Variants in RIMS3 observed in about 807,000 individuals in gnomAD.
RIMS3 encodes the protein regulating synaptic membrane exocytosis 3.
A neutral mutation model predicts 29.2 loss-of-function variants in RIMS3; 15 were observed. The ratio of observed to expected loss-of-function variants is 0.51; its 90% CI spans 0.34 to 0.79. The LOEUF (loss-of-function observed/expected upper bound fraction) is 0.79, where lower values mean the gene tolerates loss of function less well. RIMS3 is among the 30% of genes least tolerant of loss of function. The probability of loss-of-function intolerance (pLI) is 0.01; values close to 1 mark genes in which losing one functional copy is unlikely to be tolerated. For synonymous variants in RIMS3, 161 were observed against 170.1 expected (o/e 0.95, Z 0.41); for missense variants, 342 against 421.4 (o/e 0.81, Z 1.65).
At chr1:40,652,068 G>A (rs753131563) in intron 1 of RIMS3, among the ~76,000 whole-genome samples, 7 of 152,136 alleles carry the variant, frequency 4.6e-5, no homozygotes, top group Non-Finnish European at 1.0e-4. Flanking sequence ...GGGTGGGAAA[G>A]GGCCAGCCAG....
At chr1:40,659,316 G>C (rs1418485407) in intron 1 of RIMS3, among the ~76,000 whole-genome samples, 13 of 152,180 alleles carry the variant, frequency 8.5e-5, no homozygotes, top group Non-Finnish European at 1.5e-4. Context: ...ATCATAAAGG[G>C]CTTTGAATAC....
chr1:40,636,093 C>A lies in RIMS3; in HGVS notation c.218-36G>T, dbSNP rs752333561. Reference sequence around the variant, plus strand: ...CCCAACCCCAAGCACAGAGAGGGAACAAGGTCAGATTATGAATGGGGCTTC... The same window carrying A: ...CCCAACCCCAAGCACAGAGAGGGAAAAAGGTCAGATTATGAATGGGGCTTC... On this transcript the variant is annotated intron_variant, in intron 3 of 7. Transcript: ENST00000372684. This position sits in a 1 kb window ranked among gnomAD's most constrained non-coding sequence, Gnocchi z 4.2. The A allele has an allele frequency of 6.2e-7, 1 of 1,600,254 alleles. No individual in the cohort carries two copies. The highest frequency in any genetic ancestry group is 1.3e-5 in the African/African-American group (1 of 75,030).
intron 1 of RIMS3, among the ~76,000 whole-genome samples, chr1:40,662,573 A>G (rs1252587817): frequency 2.0e-5 from 3 of 152,192 alleles, no homozygotes. Context: ...CTTCTGCCAC[A>G]GAGGCAAGAG....
chr1:40,628,694 G>T (rs776505076), intron 7 of RIMS3, 116 bp downstream of exon 7: 6 of 1,379,606 alleles, frequency 4.3e-6, no homozygotes, highest in African/African-American at 2.8e-5. Context: ...AATGAGTAAC[G>T]CAAATTAATG....
In RIMS3 at chr1:40,623,522, G is replaced by A; in HGVS notation, c.*2995C>T. The A allele has an allele frequency of 5.0e-6, 2 of 398,648 alleles. No homozygotes were observed. The highest frequency in any genetic ancestry group is 8.8e-6 in the Non-Finnish European group (2 of 226,114). The allele number at this position is 398,648 out of a possible 1,614,324, so 24.7% of individuals were successfully genotyped here. On this transcript the variant is annotated 3_prime_UTR_variant, in exon 8 of 8. Transcript: ENST00000372684. ...TGAACCTCGCCTGACCAGAGGAGGTGGAATGACAAAGAGCTCCATTCCTGT... is the reference window on the plus strand; with the variant it reads ...TGAACCTCGCCTGACCAGAGGAGGTAGAATGACAAAGAGCTCCATTCCTGT...
chr1:40,691,426 TAA>T, the RIMS3 span: 7 of 250,848 alleles, frequency 2.8e-5, 1 homozygote, highest in South Asian at 2.3e-4. Context: ...ACTTATTTCC[TAA>T]AATTCAAGCT....
chr1:40,632,437 T>G (rs999788141), intron 5 of RIMS3, among the ~76,000 whole-genome samples: 2 of 116,112 alleles, frequency 1.7e-5, no homozygotes, highest in African/African-American at 4.5e-5. Flanking sequence ...TATATATATA[T>G]ATATATATAT....
chr1:40,629,354 A>G lies in RIMS3; in HGVS notation c.491T>C (p.Ile164Thr). 3 of 1,614,070 alleles carry G rather than the reference A, an allele frequency of 1.9e-6. No individual in the cohort carries two copies. The highest frequency in any genetic ancestry group is 2.5e-6 in the Non-Finnish European group (3 of 1,179,942). The part of the protein sequence containing the change: ...TPPMGDVHIA[I>T]MDRSGQLEVE... ...CTCCAGCTGGCCACTCCGGTCCATG[A>G]TGGCAATGTGCACATCTCCTGAAAG... The change falls in exon 6 of 8, where the codon ATC becomes ACC. Residue 164 changes from isoleucine to threonine, a missense_variant. By Grantham distance (89) the Ile-to-Thr change is moderately conservative (BLOSUM62 -1). Coordinates refer to ENST00000372684, the MANE Select transcript of RIMS3 (RefSeq NM_014747.3).
At position 40,624,207 on chromosome 1, in the gene RIMS3, T is replaced by G. The variant is rs1185014731; in HGVS notation, c.*2310A>C. On this transcript the variant is annotated 3_prime_UTR_variant, in exon 8 of 8. Coordinates refer to ENST00000372684, the MANE Select transcript of RIMS3 (RefSeq NM_014747.3). ...GGTAGCCCCCACTTCCTGGGGTGACTGCTGGTCTGGGTATCACCACTCAGT... is the reference window on the plus strand; with the variant it reads ...GGTAGCCCCCACTTCCTGGGGTGACGGCTGGTCTGGGTATCACCACTCAGT... 1 of 152,268 alleles carries G rather than the reference T, an allele frequency of 6.6e-6. No individual in the cohort carries two copies. Among genetic ancestry groups the G allele is most frequent in the East Asian group, 1.9e-4 (1 of 5,200 alleles). The allele number at this position is 152,268 out of a possible 1,614,324, so 9.4% of individuals were successfully genotyped here.
At chr1:40,667,444 C>T (rs929953671), upstream of RIMS3, among the ~76,000 whole-genome samples, 1 of 152,090 alleles carries the variant, frequency 6.6e-6, no homozygotes, top group African/African-American at 2.4e-5. Context: ...TGTGCTCCTC[C>T]CTGGCCCCTT....
the RIMS3 span, among the ~76,000 whole-genome samples, chr1:40,683,483 T>G: frequency 1.3e-5 from 2 of 152,238 alleles, no homozygotes; most frequent in Non-Finnish European, 1.5e-5. Context: ...TTCTGCCACG[T>G]TATGGTGTGG....
chr1:40,668,501 G>C (rs1324356399), upstream of RIMS3, among the ~76,000 whole-genome samples: 1 of 135,178 alleles, frequency 7.4e-6, no homozygotes. Flanking sequence ...CGGGGGGGGG[G>C]GGGTTGGTGG....
chr1:40,692,035 T>TGTCGCCGCCGCC, the RIMS3 span: 13 of 193,804 alleles, frequency 6.7e-5, no homozygotes, highest in South Asian at 6.5e-4. Context: ...GGCCCGCTGC[T>TGTCGCCGCCGCC]GTCGCCGCCG....
chr1:40,675,254 A>G, the RIMS3 span, among the ~76,000 whole-genome samples: 4 of 151,632 alleles, frequency 2.6e-5, no homozygotes, highest in Admixed American at 2.6e-4. Context: ...AGCCTGGGTG[A>G]TAGAGTGAGA....
chr1:40,658,651 A>G (rs1205096435), intron 1 of RIMS3, among the ~76,000 whole-genome samples: 1 of 152,192 alleles, frequency 6.6e-6, no homozygotes, highest in Non-Finnish European at 1.5e-5. Flanking sequence ...CTCTCTCTCC[A>G]TGTGGCTGAA....
At position 40,621,234 on chromosome 1, in the gene RIMS3, G is replaced by A. The variant is rs1570162215; in HGVS notation, c.*5283C>T. 2 of 152,204 alleles carry A rather than the reference G, an allele frequency of 1.3e-5. No homozygotes were observed. The highest frequency in any genetic ancestry group is 3.8e-4 in the East Asian group (2 of 5,202). The allele number at this position is 152,204 out of a possible 1,614,324, so 9.4% of individuals were successfully genotyped here. ...ATGTCATCCCAGAAGCAGAAATGAG[G>A]AAAGACCCAGCCTCATCTGCTGTTG... On this transcript the variant is annotated 3_prime_UTR_variant, in exon 8 of 8. Coordinates refer to ENST00000372684, the MANE Select transcript of RIMS3 (RefSeq NM_014747.3).
At chr1:40,663,410 G>A (rs191607773) in intron 1 of RIMS3, among the ~76,000 whole-genome samples, 185 of 152,306 alleles carry the variant, frequency 1.2e-3, no homozygotes, top group Non-Finnish European at 2.2e-3. Context: ...TGTGGCTGGG[G>A]AGTGGGGCAG....
chr1:40,631,297 G>A (rs943249506), intron 5 of RIMS3, among the ~76,000 whole-genome samples: 6 of 152,154 alleles, frequency 3.9e-5, no homozygotes, highest in African/African-American at 1.4e-4. Context: ...AAGCTAACAG[G>A]ACCAAGCGTA....
At chr1:40,628,061 C>T (rs558229491) in intron 7 of RIMS3, among the ~76,000 whole-genome samples, 1 of 152,328 alleles carries the variant, frequency 6.6e-6, no homozygotes, top group South Asian at 2.1e-4. Context: ...GCAGCCACCA[C>T]CATGATTGTT....
Sources: gnomAD v4.1 joint callset for allele counts (sites outside exome capture counted in the v4.1 genomes callset) on GRCh38, gnomAD v4.1.1 for gene constraint, Gnocchi (gnomAD v3.1) non-coding constraint, MANE v1.5 for transcripts, NCBI Gene and HGNC (gene_info 2026-07-23, HGNC 2026-07-21) for gene names.